Variants in CPE observed in about 807,000 individuals in gnomAD.
CPE encodes the protein carboxypeptidase E.
In CPE, 17 loss-of-function variants were observed where a neutral mutation model predicts 53.5. That is an observed-to-expected ratio of 0.32 (90% CI 0.22 to 0.48). The LOEUF (loss-of-function observed/expected upper bound fraction) is 0.48, where lower values mean the gene tolerates loss of function less well. CPE is among the 20% of genes least tolerant of loss of function. The probability of loss-of-function intolerance (pLI) is 0.99; values close to 1 mark genes in which losing one functional copy is unlikely to be tolerated. For synonymous variants in CPE, 226 were observed against 228.8 expected (o/e 0.99, Z 0.11); for missense variants, 524 against 614.7 (o/e 0.85, Z 1.56).
In CPE at chr4:165,464,598, G is replaced by C; in HGVS notation, c.504+12G>C. ...AGGCAGCGTCTCAGGTGAGTGCCAG[G>C]CAGCTCAGATCAGGCGTGCTTTCTT... is the stretch of plus-strand genomic sequence containing the variant. On this transcript the variant is annotated intron_variant, in intron 2 of 8. Transcript: ENST00000402744. The C allele has an allele frequency of 6.3e-7, 1 of 1,598,264 alleles. No individual in the cohort carries two copies. Among genetic ancestry groups the C allele is most frequent in the Non-Finnish European group, 8.5e-7 (1 of 1,171,820 alleles).
rs1331989947 is a variant in CPE, at chr4:165,464,429, A to T, written c.347A>T (p.Asn116Ile). 1.9e-6 allele frequency: 3 copies of T among 1,612,682 alleles called. No homozygotes were observed. Among genetic ancestry groups the T allele is most frequent in the Non-Finnish European group, 2.5e-6 (3 of 1,179,412 alleles). ...AAATACATTGGGAATATGCATGGGAATGAGGCTGTTGGACGAGAACTGCTC... is the reference window on the plus strand; with the variant it reads ...AAATACATTGGGAATATGCATGGGATTGAGGCTGTTGGACGAGAACTGCTC... ...EFKYIGNMHG[N>I]EAVGRELLIF... The change falls in exon 2 of 9, where the codon AAT becomes ATT. Residue 116 changes from asparagine to isoleucine, a missense_variant. Physicochemically the swap from Asn to Ile is moderately radical, Grantham distance 149. Transcript: ENST00000402744.
chr4:165,481,165 A>G lies in CPE; in HGVS notation c.673-1077A>G, dbSNP rs139197343. On this transcript the variant is annotated intron_variant, in intron 3 of 8. Coordinates refer to ENST00000402744, the MANE Select transcript of CPE (RefSeq NM_001873.4). ...TTTAATAGACTAAAGCTGATACACT[A>G]GAAACAGCGTGAGCCTTAGGGTTTC... Among the ~76,000 whole-genome samples the G allele has an allele frequency of 5.8e-3, 880 of 152,260 alleles. 6 individuals are homozygous for G. Among genetic ancestry groups the G allele is most frequent in the African/African-American group, 0.02 (846 of 41,554 alleles).
chr4:165,398,357 T>A (rs922347648), intron 1 of CPE, among the ~76,000 whole-genome samples: 3 of 152,038 alleles, frequency 2.0e-5, no homozygotes, highest in Non-Finnish European at 2.9e-5. Context: ...CATATACACA[T>A]GCATACACAT....
chr4:165,431,925 G>A (rs115668235), intron 1 of CPE, among the ~76,000 whole-genome samples: 2,803 of 152,118 alleles, frequency 0.018, 82 homozygotes, highest in African/African-American at 0.063. Flanking sequence ...AGACAAGAGA[G>A]ATGAGTGTAG....
chr4:165,485,396 G>A (rs1732491400), intron 5 of CPE, among the ~76,000 whole-genome samples: 1 of 152,100 alleles, frequency 6.6e-6, no homozygotes, highest in Admixed American at 6.6e-5. Flanking sequence ...AAGGGTATTG[G>A]TATGTTTAAT....
chr4:165,449,920 A>G (rs1035929850), intron 1 of CPE, among the ~76,000 whole-genome samples: 1 of 152,176 alleles, frequency 6.6e-6, no homozygotes, highest in Non-Finnish European at 1.5e-5. Context: ...TTTTGACAAG[A>G]TATCTCAAAC....
intron 1 of CPE, among the ~76,000 whole-genome samples, chr4:165,408,748 A>G (rs889419414): frequency 9.2e-5 from 14 of 152,188 alleles, no homozygotes; most frequent in Admixed American, 9.2e-4. Flanking sequence ...TTCTGATGCC[A>G]CTGGTTCAGA....
chr4:165,461,262 T>G (rs1477986813), intron 1 of CPE, among the ~76,000 whole-genome samples: 1 of 151,812 alleles, frequency 6.6e-6, no homozygotes, highest in Non-Finnish European at 1.5e-5. Context: ...GAAGCTGTAT[T>G]TAGCCATACT....
chr4:165,497,439 T>C (rs1467770479), intron 8 of CPE, 73 bp from the exon 9 acceptor site: 4 of 797,838 alleles, frequency 5.0e-6, no homozygotes, highest in Non-Finnish European at 7.4e-6. Flanking sequence ...CTGAAACTGC[T>C]CTTATTTTTT....
In CPE at chr4:165,453,332, T is replaced by TTTCC. The variant is rs1267517278; in HGVS notation, c.308-11039_308-11036dup. ...TTTTCCTTCCTTCCTTCCTTCCTTC[T>TTTCC]TTCCTTCCTTCCTTCCTTCCTTTCT... On this transcript the variant is annotated intron_variant, in intron 1 of 8. Coordinates refer to ENST00000402744, the MANE Select transcript of CPE (RefSeq NM_001873.4). Among the ~76,000 whole-genome samples the TTTCC allele has an allele frequency of 4.9e-3, 740 of 149,566 alleles. 3 individuals carry two copies. Among genetic ancestry groups the TTTCC allele is most frequent in the East Asian group, 0.022 (114 of 5,106 alleles).
At chr4:165,479,804 A>T (rs1440743508) in intron 3 of CPE, among the ~76,000 whole-genome samples, 1 of 152,114 alleles carries the variant, frequency 6.6e-6, no homozygotes, top group Non-Finnish European at 1.5e-5. Context: ...ATCCTGGCTA[A>T]CACAGTGAAA....
At chr4:165,437,766 A>C (rs1397132151) in intron 1 of CPE, among the ~76,000 whole-genome samples, 1 of 152,098 alleles carries the variant, frequency 6.6e-6, no homozygotes, top group Non-Finnish European at 1.5e-5. Context: ...GAATTCAGGG[A>C]AGGTGTTCTA....
Position 165,485,263 on chromosome 4 carries a change from T to C in CPE, c.973+659T>C, listed in dbSNP as rs374571366. Among the ~76,000 whole-genome samples the C allele has an allele frequency of 7.9e-5, 12 of 152,268 alleles. 1 individual carries two copies. Among genetic ancestry groups the C allele is most frequent in the Admixed American group, 3.3e-4 (5 of 15,298 alleles). On this transcript the variant is annotated intron_variant, in intron 5 of 8. Transcript: ENST00000402744. ...TCGTATTTTCACTAACACTCAAGGA[T>C]GAAGAGTGAAATGCGAAGATATTTA...
At chr4:165,401,018 C>A (rs28530788) in intron 1 of CPE, among the ~76,000 whole-genome samples, 72,585 of 151,942 alleles carry the variant, frequency 0.48, 18,031 homozygotes, top group African/African-American at 0.62. Flanking sequence ...TCTAATGAGC[C>A]GTTTTCAATC....
chr4:165,428,655 C>G (rs77367630), intron 1 of CPE, among the ~76,000 whole-genome samples: 44,841 of 151,940 alleles, frequency 0.3, 6,689 homozygotes, highest in Middle Eastern at 0.39. Context: ...GTTGTCAGGG[C>G]TGCTGTTCCA....
At chr4:165,432,005 C>A (rs773221129) in intron 1 of CPE, among the ~76,000 whole-genome samples, 2 of 150,908 alleles carry the variant, frequency 1.3e-5, no homozygotes, top group South Asian at 2.1e-4. Flanking sequence ...AAAAAAAAAA[C>A]CCACCACCAA....
At chr4:165,474,695 C>T (rs1579278284) in intron 3 of CPE, among the ~76,000 whole-genome samples, 1 of 152,194 alleles carries the variant, frequency 6.6e-6, no homozygotes, top group Non-Finnish European at 1.5e-5. Flanking sequence ...ATACCCCTAA[C>T]CTTTCCTTCA....
At chr4:165,394,195 T>C (rs1281529927) in intron 1 of CPE, among the ~76,000 whole-genome samples, 1 of 152,154 alleles carries the variant, frequency 6.6e-6, no homozygotes, top group Non-Finnish European at 1.5e-5. Flanking sequence ...TAAATTACTT[T>C]GGGAGATGGG....
chr4:165,495,471 C>A, intron 7 of CPE, 88 bp from the exon 8 acceptor site: 3 of 805,040 alleles, frequency 3.7e-6, no homozygotes, highest in Non-Finnish European at 6.1e-6. Context: ...CTGAGCTAGA[C>A]TGGGTATTCC....
Sources: gnomAD v4.1 joint callset for allele counts (sites outside exome capture counted in the v4.1 genomes callset) on GRCh38, gnomAD v4.1.1 for gene constraint, MANE v1.5 for transcripts, NCBI Gene and HGNC (gene_info 2026-07-23, HGNC 2026-07-21) for gene names.